Variants in SOX6 observed in about 807,000 individuals in gnomAD.
SOX6 encodes the protein SRY-box transcription factor 6, also known as transcription factor SOX-6.
In SOX6, 11 loss-of-function variants were observed where a neutral mutation model predicts 97.8. The ratio of observed to expected loss-of-function variants is 0.11; its 90% CI spans 0.07 to 0.19. SOX6 has a LOEUF of 0.19. Among genes scored for constraint, SOX6 ranks in the 10% least tolerant of loss-of-function variants. The pLI is 1.00. For missense variants in SOX6, 810 were observed against 1,039.5 expected (o/e 0.78, Z 3.04); for synonymous variants, 360 against 371.4 (o/e 0.97, Z 0.35).
intron 4 of SOX6, among the ~76,000 whole-genome samples, chr11:16,202,019 G>T (rs948362528): frequency 9.2e-5 from 14 of 151,894 alleles, no homozygotes; most frequent in Non-Finnish European, 1.5e-5. Flanking sequence ...CCCAATTAAG[G>T]ATATATGAAG....
At chr11:16,298,694 T>C (rs964582497) in intron 3 of SOX6, among the ~76,000 whole-genome samples, 2 of 152,130 alleles carry the variant, frequency 1.3e-5, no homozygotes, top group Non-Finnish European at 2.9e-5. Flanking sequence ...AACTCTTATA[T>C]AAAGAATTAG....
intron 9 of SOX6, among the ~76,000 whole-genome samples, chr11:16,086,426 C>T (rs768528851): frequency 5.3e-5 from 8 of 152,192 alleles, no homozygotes; most frequent in Non-Finnish European, 8.8e-5. Context: ...CTCTGCCCCA[C>T]AGTTCCCGCA....
At chr11:16,195,839 T>C (rs539249939) in intron 4 of SOX6, among the ~76,000 whole-genome samples, 26 of 152,298 alleles carry the variant, frequency 1.7e-4, no homozygotes, top group African/African-American at 6.3e-4. Flanking sequence ...CACTCAAATA[T>C]TTGCAGGAGT....
intron 1 of SOX6, among the ~76,000 whole-genome samples, chr11:16,398,859 A>G (rs1160468716): frequency 6.6e-6 from 1 of 151,278 alleles, no homozygotes; most frequent in Non-Finnish European, 1.5e-5. Flanking sequence ...AACCCTTGAG[A>G]ACTGGAATGA....
chr11:16,046,537 G>A lies in SOX6; in HGVS notation c.1600C>T (p.Leu534=). The A allele has an allele frequency of 6.2e-7, 1 of 1,613,516 alleles. No individual in the cohort carries two copies. The highest frequency in any genetic ancestry group is 8.5e-7 in the Non-Finnish European group (1 of 1,179,710). Residue 534 remains leucine (L), a synonymous_variant, in exon 12 of 16, where the codon CTG becomes TTG. Coordinates refer to ENST00000683767, the MANE Select transcript of SOX6 (RefSeq NM_001367873.1). ...GKLSSINNMG[L]NSCRNEKERT... is the part of the protein sequence containing the mutation. The stretch of plus-strand genomic sequence containing the variant: ...ACCTTTTCATTCCTGCAGCTGTTCA[G>A]CCCCATATTATTTATGGAGGACAGT...
At chr11:16,719,122 A>G (rs1464817190) in intron 2 of SOX6, among the ~76,000 whole-genome samples, 7 of 152,200 alleles carry the variant, frequency 4.6e-5, no homozygotes, top group Non-Finnish European at 8.8e-5. Context: ...TAAAAACAGC[A>G]TGAGTCAAAA....
intron 3 of SOX6, among the ~76,000 whole-genome samples, chr11:16,649,542 G>C (rs773840306): frequency 2.6e-5 from 4 of 152,156 alleles, no homozygotes; most frequent in Non-Finnish European, 4.4e-5. Flanking sequence ...ATGAAGATGA[G>C]ATAAAGCCTT....
At chr11:16,281,699 A>G (rs1340333429) in intron 3 of SOX6, among the ~76,000 whole-genome samples, 1 of 151,862 alleles carries the variant, frequency 6.6e-6, no homozygotes, top group African/African-American at 2.4e-5. Flanking sequence ...TAAACATTCT[A>G]TATTATTTAA....
chr11:16,719,025 AC>A (rs1848239890), intron 2 of SOX6, among the ~76,000 whole-genome samples: 1 of 151,728 alleles, frequency 6.6e-6, no homozygotes, highest in Non-Finnish European at 1.5e-5. Flanking sequence ...CCAAAGGTAT[AC>A]ACTTATATTT....
chr11:16,310,144 T>C (rs952541365), intron 3 of SOX6, among the ~76,000 whole-genome samples: 5 of 151,974 alleles, frequency 3.3e-5, no homozygotes, highest in African/African-American at 1.2e-4. Flanking sequence ...ACACACAAAT[T>C]GAAGTTAAGA....
chr11:16,524,627 G>C (rs1021395725), intron 4 of SOX6, among the ~76,000 whole-genome samples: 18 of 151,472 alleles, frequency 1.2e-4, no homozygotes, highest in African/African-American at 4.4e-4. Flanking sequence ...GGAAGTTCTG[G>C]CCAGGGCAAT....
At chr11:16,354,513 G>A (rs1202698108) in intron 1 of SOX6, among the ~76,000 whole-genome samples, 2 of 151,988 alleles carry the variant, frequency 1.3e-5, no homozygotes, top group Non-Finnish European at 2.9e-5. Flanking sequence ...CTCAAAAGGG[G>A]TATGGACAGG....
intron 1 of SOX6, among the ~76,000 whole-genome samples, chr11:16,449,070 A>G (rs1859666055): frequency 6.6e-6 from 1 of 152,064 alleles, no homozygotes; most frequent in Non-Finnish European, 1.5e-5. Flanking sequence ...ATATTTCAAA[A>G]CTATTCTGGT....
chr11:16,633,255 A>T (rs1022127465), intron 3 of SOX6, among the ~76,000 whole-genome samples: 17 of 152,230 alleles, frequency 1.1e-4, no homozygotes, highest in Non-Finnish European at 2.2e-4. Flanking sequence ...CATAAGTGAC[A>T]CTGAGCACAG....
At position 15,972,894 on chromosome 11, in the gene SOX6, A is replaced by G; in HGVS notation, c.2402T>C (p.Met801Thr). 1 of 1,614,120 alleles carries G rather than the reference A, an allele frequency of 6.2e-7. No homozygotes were observed. Among genetic ancestry groups the G allele is most frequent in the Non-Finnish European group, 8.5e-7 (1 of 1,180,022 alleles). ...GNEMINGEDEMEMYDDYEDDP... is the reference protein window; with the variant it reads ...GNEMINGEDETEMYDDYEDDP... ...ATCTTCATAGTCATCATACATTTCC[A>G]TTTCATCCTCTCCATTGATCATTTC... The change falls in exon 16 of 16, where the codon ATG (methionine) becomes ACG (threonine). Residue 801 changes from methionine (M) to threonine (T), a missense_variant. Transcript: ENST00000683767.
At chr11:16,188,200 T>C (rs1851533425) in intron 4 of SOX6, among the ~76,000 whole-genome samples, 1 of 144,290 alleles carries the variant, frequency 6.9e-6, no homozygotes, top group Non-Finnish European at 1.5e-5. Flanking sequence ...TTTAGGACTA[T>C]CGTGGGATTC....
intron 6 of SOX6, among the ~76,000 whole-genome samples, chr11:16,161,676 C>G (rs1850753953): frequency 6.6e-6 from 1 of 152,166 alleles, no homozygotes; most frequent in Non-Finnish European, 1.5e-5. Context: ...GGATCTCTAC[C>G]ATATAACACT....
intron 4 of SOX6, among the ~76,000 whole-genome samples, chr11:16,503,974 C>T (rs564947574): frequency 5.7e-4 from 86 of 151,922 alleles, no homozygotes; most frequent in African/African-American, 2.0e-3. Flanking sequence ...ACCCAGGAGG[C>T]GGAGCTTGCA....
At chr11:16,147,010 C>T (rs958563409) in intron 6 of SOX6, among the ~76,000 whole-genome samples, 5 of 152,126 alleles carry the variant, frequency 3.3e-5, no homozygotes, top group Admixed American at 2.6e-4. Flanking sequence ...TGGGTATATA[C>T]CCAAAGGATT....
Sources: gnomAD v4.1 joint callset for allele counts (sites outside exome capture counted in the v4.1 genomes callset) on GRCh38, gnomAD v4.1.1 for gene constraint, MANE v1.5 for transcripts, NCBI Gene and HGNC (gene_info 2026-07-23, HGNC 2026-07-21) for gene names.